ZNF48: variants seen among roughly 807,000 people sequenced by gnomAD.
ZNF48 encodes zinc finger protein 553.
A neutral mutation model predicts 40.0 loss-of-function variants in ZNF48; 20 were observed. The ratio of observed to expected loss-of-function variants is 0.50; its 90% confidence interval spans 0.35 to 0.73. The LOEUF (loss-of-function observed/expected upper bound fraction) is 0.73. Among genes scored for constraint, ZNF48 ranks in the 30% least tolerant of loss-of-function variants. The probability of loss-of-function intolerance (pLI) is 0.01; values close to 1 mark genes in which losing one functional copy is unlikely to be tolerated. For synonymous variants in ZNF48, 298 were observed against 329.7 expected, an observed-to-expected ratio of 0.90 and a Z score of 1.04; for missense variants, 726 against 851.9, an observed-to-expected ratio of 0.85 and a Z score of 1.84.
upstream of ZNF48, chr16:30,394,920 C>T (rs565831792): frequency 3.1e-6 from 1 of 322,494 alleles, no homozygotes; most frequent in South Asian, 2.4e-5. Context: ...AGCCTCTGCT[C>T]CTGCCTCGGT....
At chr16:30,379,640 C>CCTTTTTT (rs2049813595) in intron 1 of ZNF48, 1 of 198,758 alleles carries the variant, frequency 5.0e-6, no homozygotes, top group African/African-American at 3.9e-5. Context: ...GCCCCTTCCT[C>CCTTTTTT]TTTTTTTTTT....
upstream of ZNF48, among the ~76,000 whole-genome samples, chr16:30,393,137 C>T (rs914213351): frequency 6.6e-6 from 1 of 151,948 alleles, no homozygotes; most frequent in African/African-American, 2.4e-5. Context: ...AGTGCAATGG[C>T]GCGATCTCAG....
At chr16:30,393,292 G>T (rs1345131258), upstream of ZNF48, among the ~76,000 whole-genome samples, 1 of 151,444 alleles carries the variant, frequency 6.6e-6, no homozygotes, top group African/African-American at 2.4e-5. Flanking sequence ...GGCCAGGCTG[G>T]TCTGGAACTC....
upstream of ZNF48, among the ~76,000 whole-genome samples, chr16:30,392,449 G>T (rs2049950331): frequency 6.6e-6 from 1 of 152,134 alleles, no homozygotes; most frequent in African/African-American, 2.4e-5. Flanking sequence ...ACCATGCCTG[G>T]CCCATATTAG....
chr16:30,394,020 T>C (rs1356694120), upstream of ZNF48, among the ~76,000 whole-genome samples: 1 of 151,614 alleles, frequency 6.6e-6, no homozygotes, highest in African/African-American at 2.4e-5. Flanking sequence ...GCCCAGCCCA[T>C]TCTCTCTCTC....
rs369803631 is a variant in ZNF48, at chr16:30,380,067, C to T, written c.-16+1657C>T. 114 of 1,564,728 alleles carry T rather than the reference C, an allele frequency of 7.3e-5. 1 individual carries two copies. The highest frequency in any genetic ancestry group is 2.7e-4 in the African/African-American group (20 of 73,438). On this transcript the variant is annotated intron_variant, in intron 1 of 2. Coordinates refer to the ZNF48 transcript ENST00000528032. ...AAACAGATATAGAGACAGTGTGAAA[C>T]GGGCCACAATGACAGACATTTCATG... is the stretch of plus-strand genomic sequence containing the variant.
chr16:30,395,621 G>T lies in ZNF48; in HGVS notation c.-16+43G>T. The T allele has an allele frequency of 3.1e-6, 1 of 327,250 alleles. No homozygotes were observed. The highest frequency in any genetic ancestry group is 1.3e-4 in the South Asian group (1 of 7,812). The allele number at this position is 327,250 out of a possible 1,614,324, so 20.3% of individuals were successfully genotyped here. On this transcript the variant is annotated intron_variant, in intron 1 of 2. Coordinates refer to ENST00000613509, the MANE Select transcript of ZNF48 (RefSeq NM_001214909.2). The surrounding 1 kb of genome is among the most constrained non-coding windows in gnomAD (Gnocchi z 5.9). ...GCGCTGGGAGGAGCAGCAGGTGCAG[G>T]GGCGGCCGGCGGCGCGGGCAGGGGG...
rs765378815 is a variant in ZNF48, at chr16:30,382,170, C to T, written c.-16+3760C>T. On this transcript the variant is annotated intron_variant, in intron 1 of 2. Coordinates refer to the ZNF48 transcript ENST00000528032. The surrounding 1 kb of genome is among the most constrained non-coding windows in gnomAD (Gnocchi z 4.8). ...GTTGATGAGGGTGGATTTCCCTAGGCCTGACTCCCCTGTGGACAGAACAGG... is the reference window on the plus strand; with the variant it reads ...GTTGATGAGGGTGGATTTCCCTAGGTCTGACTCCCCTGTGGACAGAACAGG... 6.2e-7 allele frequency: 1 copy of T among 1,608,434 alleles called. No homozygotes were observed. Among genetic ancestry groups the T allele is most frequent in the Non-Finnish European group, 8.5e-7 (1 of 1,177,524 alleles).
chr16:30,397,305 C>A lies in ZNF48; in HGVS notation c.80-25C>A. ...TAAGTACCGAGCCAAAGGGGAGGGT[C>A]TACAACTTCCTTTTCTTTCCTCAGG... On this transcript the variant is annotated intron_variant, in intron 2 of 2. Coordinates refer to ENST00000613509, the MANE Select transcript of ZNF48 (RefSeq NM_001214909.2). This position sits in a 1 kb window ranked among gnomAD's most constrained non-coding sequence, Gnocchi z 4.1. The A allele has an allele frequency of 6.3e-7, 1 of 1,588,458 alleles. No individual in the cohort carries two copies. The highest frequency in any genetic ancestry group is 1.2e-5 in the South Asian group (1 of 85,922).
chr16:30,378,496 C>G lies in ZNF48; in HGVS notation c.-16+86C>G. Reference sequence around the variant, plus strand: ...TGCTGCATTTGGGCCTGCATCTTCTCCAGCATCTCTTGCATGCGGCGCAGC... The same window carrying G: ...TGCTGCATTTGGGCCTGCATCTTCTGCAGCATCTCTTGCATGCGGCGCAGC... On this transcript the variant is annotated intron_variant, in intron 1 of 2. Coordinates refer to the ZNF48 transcript ENST00000528032. 2.5e-6 allele frequency: 4 copies of G among 1,579,718 alleles called. No individual in the cohort carries two copies. In the Admixed American group the frequency reaches 7.4e-5, roughly 29 times the overall value.
intron 1 of ZNF48, chr16:30,379,638 CTCTT>C: frequency 3.4e-6 from 1 of 295,684 alleles, no homozygotes; most frequent in Non-Finnish European, 5.7e-6. Context: ...CTGCCCCTTC[CTCTT>C]TTTTTTTTTT....
chr16:30,397,291 C>T lies in ZNF48; in HGVS notation c.80-39C>T, dbSNP rs377464350. 2.6e-6 allele frequency: 4 copies of T among 1,557,836 alleles called. No homozygotes were observed. The highest frequency in any genetic ancestry group is 3.5e-6 in the Non-Finnish European group (4 of 1,151,232). On this transcript the variant is annotated intron_variant, in intron 2 of 2. Coordinates refer to ENST00000613509, the MANE Select transcript of ZNF48 (RefSeq NM_001214909.2). This position sits in a 1 kb window ranked among gnomAD's most constrained non-coding sequence, Gnocchi z 4.1. ...GTTGCTGTCAAAGATAAGTACCGAG[C>T]CAAAGGGGAGGGTCTACAACTTCCT...
intron 1 of ZNF48, among the ~76,000 whole-genome samples, chr16:30,385,313 A>AT (rs1440407687): frequency 6.6e-6 from 1 of 151,966 alleles, no homozygotes; most frequent in East Asian, 1.9e-4. Flanking sequence ...CAGGTTGAGC[A>AT]TCTCTATGGT....
At chr16:30,395,292 A>G (rs750526268), upstream of ZNF48, 1 of 455,758 alleles carries the variant, frequency 2.2e-6, no homozygotes, top group Non-Finnish European at 4.4e-6. This position sits in a 1 kb window ranked among gnomAD's most constrained non-coding sequence, Gnocchi z 5.9. Context: ...GGCTTAGAGT[A>G]GCCCCTGGGC....
rs113883702 is a variant in ZNF48 at position 30,379,896 on chromosome 16, C to T, written c.-16+1486C>T. On this transcript the variant is annotated intron_variant, in intron 1 of 2. Transcript: ENST00000528032. Reference sequence around the variant, plus strand: ...TGCTGGGATTACAGACGTGAGCCACCGTGCCCGGCCTGCCTTCCTTCTTTG... The same window carrying T: ...TGCTGGGATTACAGACGTGAGCCACTGTGCCCGGCCTGCCTTCCTTCTTTG... 158 of 1,181,678 alleles carry T rather than the reference C, an allele frequency of 1.3e-4. No individual in the cohort carries two copies. The African/African-American group carries it at 1.4e-3, about 10-fold the overall frequency. The allele number at this position is 1,181,678 out of a possible 1,614,324, so 73.2% of individuals were successfully genotyped here. A position where few individuals can be genotyped will look rare whatever the true frequency, so the allele number is the denominator to read the frequency against.
chr16:30,391,490 C>T (rs1364890955), upstream of ZNF48, among the ~76,000 whole-genome samples: 2 of 149,662 alleles, frequency 1.3e-5, no homozygotes, highest in Admixed American at 1.3e-4. Context: ...TCCTGGCAGT[C>T]TTTTTCTTTT....
In ZNF48 at chr16:30,381,301, C is replaced by T; in HGVS notation, c.-16+2891C>T. On this transcript the variant is annotated intron_variant, in intron 1 of 2. Coordinates refer to the ZNF48 transcript ENST00000528032. The surrounding 1 kb of genome is among the most constrained non-coding windows in gnomAD (Gnocchi z 4.3). ...CAGGGGGCAGAGACCCCCCAGCCCT[C>T]CCTAAATGCGCCAGCCCCCAGGATC... 1.9e-6 allele frequency: 3 copies of T among 1,610,664 alleles called. No homozygotes were observed. Among genetic ancestry groups the T allele is most frequent in the Non-Finnish European group, 2.5e-6 (3 of 1,177,298 alleles).
chr16:30,382,701 C>T lies in ZNF48; in HGVS notation c.-16+4291C>T. On this transcript the variant is annotated intron_variant, in intron 1 of 2. Transcript: ENST00000528032. This position sits in a 1 kb window ranked among gnomAD's most constrained non-coding sequence, Gnocchi z 4.8. ...CCAAGAACACTTGGGGTTGCCACCT[C>T]CTGGACCCCTTTGCCCATCACCTGT... is the stretch of plus-strand genomic sequence containing the variant. The T allele has an allele frequency of 1.3e-6, 2 of 1,533,566 alleles. No individual in the cohort carries two copies. Among genetic ancestry groups the T allele is most frequent in the Non-Finnish European group, 8.7e-7 (1 of 1,143,506 alleles). The allele number at this position is 1,533,566 out of a possible 1,614,324, so 95.0% of individuals were successfully genotyped here. A position where few individuals can be genotyped will look rare whatever the true frequency, so the allele number is the denominator to read the frequency against.
intron 1 of ZNF48, among the ~76,000 whole-genome samples, chr16:30,386,893 G>A (rs2049904703): frequency 6.7e-6 from 1 of 150,230 alleles, no homozygotes; most frequent in Non-Finnish European, 1.5e-5. Flanking sequence ...TGAACTTCCG[G>A]CATCCCAAAG....
Sources: gnomAD v4.1 joint callset for allele counts (sites outside exome capture counted in the v4.1 genomes callset) on GRCh38, gnomAD v4.1.1 for gene constraint, Gnocchi (gnomAD v3.1) non-coding constraint, MANE v1.5 for transcripts, NCBI Gene and HGNC (gene_info 2026-07-23, HGNC 2026-07-21) for gene names.